Variants in GRIK4 observed in about 807,000 individuals in gnomAD.
The protein encoded by GRIK4 is glutamate receptor ionotropic, kainate 4.
A neutral mutation model predicts 104.9 loss-of-function variants in GRIK4; 40 were observed. The ratio of observed to expected loss-of-function variants is 0.38; its 90% CI spans 0.30 to 0.50. The LOEUF (loss-of-function observed/expected upper bound fraction) is 0.50, where lower values mean the gene tolerates loss of function less well. Ranked by LOEUF, GRIK4 falls within the 20% of genes least tolerant of loss-of-function variation. The pLI, the probability that GRIK4 is intolerant of heterozygous loss-of-function variation, is 0.93. For synonymous variants in GRIK4, 485 were observed against 524.9 expected (o/e 0.92, Z 1.04); for missense variants, 1,047 against 1,308.1 (o/e 0.80, Z 3.08).
rs755002657 is a variant in GRIK4 at position 120,742,345 on chromosome 11, C to CAA, written c.83-60331_83-60330dup. 2.8e-3 allele frequency among the ~76,000 whole-genome samples: 206 copies of CAA among 74,066 alleles called. 1 individual carries two copies. The highest frequency in any genetic ancestry group is 0.014 in the South Asian group (28 of 1,992). The allele number at this position is 74,066 out of a possible 152,430, so 48.6% of individuals were successfully genotyped here. A position where few individuals can be genotyped will look rare whatever the true frequency, so the allele number is the denominator to read the frequency against. Reference sequence around the variant, plus strand: ...TGGGCCACAGAGCAAGACTCCGTTTCAAAAAAAAAAAAAAAAAAGTGGGCA... The same window carrying CAA: ...TGGGCCACAGAGCAAGACTCCGTTTCAAAAAAAAAAAAAAAAAAAAGTGGGCA... On this transcript the variant is annotated intron_variant, in intron 3 of 20. Transcript: ENST00000527524.
chr11:120,594,820 G>A lies in GRIK4; in HGVS notation c.-158-58865G>A, dbSNP rs541226076. The stretch of plus-strand genomic sequence containing the variant: ...ATTGCCACTGATTGGGGTAAGTGGT[G>A]GGACTGAAGAGAATGTCTGCTGGTG... On this transcript the variant is annotated intron_variant, in intron 1 of 20. Transcript: ENST00000527524. Among the ~76,000 whole-genome samples, 917 of 152,304 alleles carry A rather than the reference G, an allele frequency of 6.0e-3. 6 individuals carry two copies. Among genetic ancestry groups the A allele is most frequent in the African/African-American group, 0.02 (844 of 41,554 alleles).
At chr11:120,596,972 G>A (rs755771637) in intron 1 of GRIK4, among the ~76,000 whole-genome samples, 5 of 152,162 alleles carry the variant, frequency 3.3e-5, no homozygotes, top group Non-Finnish European at 5.9e-5. Flanking sequence ...TGATCCATCC[G>A]CCTCGGCCTC....
chr11:120,756,808 G>A (rs1475964720), intron 3 of GRIK4, among the ~76,000 whole-genome samples: 2 of 152,212 alleles, frequency 1.3e-5, no homozygotes, highest in Admixed American at 1.3e-4. Flanking sequence ...ACACAGGTGG[G>A]GCTGTCCCTG....
At chr11:120,816,192 C>T (rs1952953521) in intron 5 of GRIK4, among the ~76,000 whole-genome samples, 1 of 152,136 alleles carries the variant, frequency 6.6e-6, no homozygotes, top group Non-Finnish European at 1.5e-5. Context: ...TCCTTTTTCC[C>T]CAGAGAAGAC....
At chr11:120,565,990 G>A (rs201989601) in intron 1 of GRIK4, among the ~76,000 whole-genome samples, 2 of 152,144 alleles carry the variant, frequency 1.3e-5, no homozygotes, top group African/African-American at 4.8e-5. Flanking sequence ...TACCCCTTGA[G>A]CCGTGTTGAA....
chr11:120,661,262 G>A (rs1314730271), intron 3 of GRIK4, among the ~76,000 whole-genome samples: 1 of 152,190 alleles, frequency 6.6e-6, no homozygotes, highest in Non-Finnish European at 1.5e-5. Flanking sequence ...GGGGATTAGT[G>A]TGGACAGGTG....
At chr11:120,872,805 A>G in intron 9 of GRIK4, 1 of 164,728 alleles carries the variant, frequency 6.1e-6, no homozygotes, top group Non-Finnish European at 1.3e-5. Context: ...ACATTAACAT[A>G]GTGTGGTATT....
At chr11:120,724,190 C>G (rs1312880537) in intron 3 of GRIK4, among the ~76,000 whole-genome samples, 4 of 152,028 alleles carry the variant, frequency 2.6e-5, no homozygotes, top group Non-Finnish European at 4.4e-5. Context: ...GCTCTATTGC[C>G]CAGGCTGGAG....
chr11:120,589,713 C>T (rs1444558371), intron 1 of GRIK4, among the ~76,000 whole-genome samples: 2 of 152,208 alleles, frequency 1.3e-5, no homozygotes, highest in East Asian at 3.8e-4. Flanking sequence ...TCACCACCCG[C>T]TGCCTGCCCA....
chr11:120,772,632 G>A (rs1013870302), intron 3 of GRIK4, among the ~76,000 whole-genome samples: 2 of 151,908 alleles, frequency 1.3e-5, no homozygotes, highest in Non-Finnish European at 2.9e-5. Flanking sequence ...GAGAACAGGT[G>A]GTGTATGTGC....
chr11:120,695,184 C>T (rs1950423136), intron 3 of GRIK4, among the ~76,000 whole-genome samples: 1 of 152,212 alleles, frequency 6.6e-6, no homozygotes, highest in African/African-American at 2.4e-5. Context: ...GGTGTTCATT[C>T]TCACGAGCTG....
At chr11:120,843,714 G>T (rs1185039611) in intron 8 of GRIK4, among the ~76,000 whole-genome samples, 2 of 151,806 alleles carry the variant, frequency 1.3e-5, no homozygotes, top group Admixed American at 1.3e-4. Flanking sequence ...TTTTTTATCT[G>T]AAAAATTGTG....
intron 13 of GRIK4, among the ~76,000 whole-genome samples, chr11:120,931,095 GA>G (rs1165694357): frequency 1.1e-4 from 17 of 152,188 alleles, no homozygotes; most frequent in Admixed American, 5.2e-4. Context: ...TTACAGATAA[GA>G]AAAACGAGCT....
chr11:120,584,316 AG>A (rs1427929763), intron 1 of GRIK4, among the ~76,000 whole-genome samples: 1 of 152,248 alleles, frequency 6.6e-6, no homozygotes, highest in Non-Finnish European at 1.5e-5. Flanking sequence ...ATTGCTATAA[AG>A]AAATACCTGA....
intron 3 of GRIK4, among the ~76,000 whole-genome samples, chr11:120,789,513 C>G (rs1952354783): frequency 6.6e-6 from 1 of 152,108 alleles, no homozygotes; most frequent in South Asian, 2.1e-4. Flanking sequence ...TAAAATAACC[C>G]TCAAGCTGAT....
In GRIK4 at chr11:120,802,851, G is replaced by C. The variant is rs779358926; in HGVS notation, c.241G>C (p.Glu81Gln). ...CAGAGACAGCGAGTACGAGACTGCA[G>C]AAACCAGTACGTAGACTGGGCAGGG... ...LLRDSEYETAETMCQILPKGV... is the reference protein window; with the variant it reads ...LLRDSEYETAQTMCQILPKGV... Residue 81 changes from glutamate (E) to glutamine (Q), a missense_variant, in exon 4 of 21, where the codon GAA (glutamate) becomes CAA (glutamine). This residue lies in a region of GRIK4 where 447 missense variants were observed against 514.9 expected (regional missense o/e 0.87). Coordinates refer to ENST00000527524, the MANE Select transcript of GRIK4 (RefSeq NM_014619.5). 1.9e-6 allele frequency: 3 copies of C among 1,614,118 alleles called. No homozygotes were observed. In the Admixed American group the frequency reaches 5.0e-5, roughly 27 times the overall value.
chr11:120,947,279 G>A (rs928071162), intron 14 of GRIK4, among the ~76,000 whole-genome samples: 2 of 152,064 alleles, frequency 1.3e-5, no homozygotes, highest in African/African-American at 2.4e-5. Flanking sequence ...GCACACGCCT[G>A]TAATCCCAAC....
intron 19 of GRIK4, among the ~76,000 whole-genome samples, chr11:120,976,735 G>A (rs1465381104): frequency 2.6e-5 from 4 of 152,202 alleles, no homozygotes; most frequent in East Asian, 1.9e-4. Context: ...CTGGGATCTC[G>A]TGGCACTAGT....
chr11:120,883,585 C>A (rs1592035006), intron 11 of GRIK4, among the ~76,000 whole-genome samples: 1 of 152,230 alleles, frequency 6.6e-6, no homozygotes, highest in Non-Finnish European at 1.5e-5. Context: ...TTCTCTCCTG[C>A]CTTCCTGGCC....
Sources: gnomAD v4.1 joint callset for allele counts (sites outside exome capture counted in the v4.1 genomes callset) on GRCh38, gnomAD v4.1.1 for gene constraint, gnomAD v4.1.1 regional missense constraint, MANE v1.5 for transcripts, NCBI Gene and HGNC (gene_info 2026-07-23, HGNC 2026-07-21) for gene names.